ARHGEF4: variants seen among roughly 807,000 people sequenced by gnomAD.
The protein encoded by ARHGEF4 is APC-stimulated guanine nucleotide exchange factor 1.
In ARHGEF4, 119 loss-of-function variants were observed where a neutral mutation model predicts 162.0. The observed-to-expected ratio is 0.73, with a 90% CI of 0.63 to 0.86. The LOEUF (loss-of-function observed/expected upper bound fraction) is 0.86, where lower values mean the gene tolerates loss of function less well. ARHGEF4 is among the 40% of genes least tolerant of loss of function. The pLI, the probability that ARHGEF4 is intolerant of heterozygous loss-of-function variation, is 0.00. For missense variants in ARHGEF4, 2,488 were observed against 2,456.0 expected (o/e 1.01, Z -0.28); for synonymous variants, 1,014 against 979.9 (o/e 1.03, Z -0.65).
At position 130,916,931 on chromosome 2, in the gene ARHGEF4, A is replaced by G. The variant is rs1681536550; in HGVS notation, c.2985A>G (p.Lys995=). 6.4e-7 allele frequency: 1 copy of G among 1,550,650 alleles called. No individual in the cohort carries two copies. Among genetic ancestry groups the G allele is most frequent in the Non-Finnish European group, 8.7e-7 (1 of 1,147,024 alleles). ...DSHCEERAED[K]EGYVFSDHWA... is the part of the protein sequence containing the mutation. The stretch of plus-strand genomic sequence containing the variant: ...ACTGTGAGGAACGGGCGGAGGACAA[A>G]GAGGGCTATGTTTTTAGCGATCACT... Residue 995 remains lysine, a synonymous_variant, in exon 2 of 14, where the codon AAA becomes AAG. Coordinates refer to ENST00000409359, the MANE Select transcript of ARHGEF4 (RefSeq NM_001367493.1).
At chr2:130,865,743 A>G in intron 1 of ARHGEF4, among the ~76,000 whole-genome samples, 1 of 151,610 alleles carries the variant, frequency 6.6e-6, no homozygotes, top group African/African-American at 2.4e-5. Context: ...GCCTCCAGTC[A>G]TCTTTTCTTT....
intron 4 of ARHGEF4, among the ~76,000 whole-genome samples, chr2:130,969,467 T>C (rs1035763111): frequency 2.2e-4 from 34 of 151,714 alleles, no homozygotes; most frequent in Admixed American, 2.2e-3. Context: ...GGCATGGTGG[T>C]GGGTGCCTGT....
chr2:130,908,830 A>G (rs2105037914), intron 1 of ARHGEF4, among the ~76,000 whole-genome samples: 1 of 152,352 alleles, frequency 6.6e-6, no homozygotes, highest in South Asian at 2.1e-4. Flanking sequence ...GAATCCTTAC[A>G]ACTCAATAGT....
chr2:130,921,070 A>G (rs1471895919), intron 2 of ARHGEF4, among the ~76,000 whole-genome samples: 1 of 151,304 alleles, frequency 6.6e-6, no homozygotes. Flanking sequence ...GTTCACTTGC[A>G]TTTCATTATC....
chr2:130,847,000 G>A (rs1681024616), intron 1 of ARHGEF4, among the ~76,000 whole-genome samples: 1 of 152,174 alleles, frequency 6.6e-6, no homozygotes, highest in Non-Finnish European at 1.5e-5. Flanking sequence ...CCCCAGATTT[G>A]ATTCTCCAGA....
chr2:130,996,029 A>T (rs1687369128), intron 4 of ARHGEF4, among the ~76,000 whole-genome samples: 1 of 151,796 alleles, frequency 6.6e-6, no homozygotes, highest in Non-Finnish European at 1.5e-5. Context: ...AGCTGGGATT[A>T]CAGGCGCCCG....
intron 4 of ARHGEF4, among the ~76,000 whole-genome samples, chr2:131,012,129 G>C (rs1173352810): frequency 1.3e-5 from 2 of 152,172 alleles, no homozygotes; most frequent in African/African-American, 4.8e-5. Flanking sequence ...TTTTGGGTGG[G>C]TGGTCAGGAG....
In ARHGEF4 at chr2:130,978,192, C is replaced by A. The variant is rs555273632; in HGVS notation, c.3985+31557C>A. ...GACCCTCGGGCTGGTTTCAGTCCCCCCTTTCTATTTATCAGTTCCACAATC... is the reference window on the plus strand; with the variant it reads ...GACCCTCGGGCTGGTTTCAGTCCCCACTTTCTATTTATCAGTTCCACAATC... On this transcript the variant is annotated intron_variant, in intron 4 of 13. Transcript: ENST00000409359. Among the ~76,000 whole-genome samples, 132 of 152,274 alleles carry A rather than the reference C, an allele frequency of 8.7e-4. 1 individual carries two copies. The highest frequency in any genetic ancestry group is 7.4e-4 in the Non-Finnish European group (50 of 68,018).
intron 1 of ARHGEF4, chr2:130,837,703 T>G (rs556443716): frequency 5.9e-5 from 25 of 425,072 alleles, no homozygotes; most frequent in Admixed American, 5.2e-4. Context: ...CCTCCCCAGG[T>G]GAGCCAGCGG....
chr2:130,926,914 G>C (rs902854148), intron 2 of ARHGEF4, among the ~76,000 whole-genome samples: 22 of 131,846 alleles, frequency 1.7e-4, no homozygotes, highest in Admixed American at 1.6e-3. Context: ...ATTTCTGTTG[G>C]GGGGAGAAGT....
At chr2:131,002,299 C>T (rs890735068) in intron 4 of ARHGEF4, among the ~76,000 whole-genome samples, 7 of 152,138 alleles carry the variant, frequency 4.6e-5, no homozygotes, top group African/African-American at 7.2e-5. Context: ...TGTGAGGGGC[C>T]GGGCGCGGTG....
At chr2:131,039,652 T>G in intron 6 of ARHGEF4, 1 of 1,156,118 alleles carries the variant, frequency 8.6e-7, no homozygotes, top group Non-Finnish European at 1.1e-6. Flanking sequence ...CCAAGTTGCA[T>G]GTTAGCCAGC....
chr2:131,011,591 A>G (rs1231285414), intron 4 of ARHGEF4: 10 of 1,515,434 alleles, frequency 6.6e-6, no homozygotes, highest in South Asian at 2.5e-5. Flanking sequence ...ATTTCATGCT[A>G]TTAATCCCCC....
chr2:130,943,621 G>A (rs1225380286), intron 3 of ARHGEF4, among the ~76,000 whole-genome samples: 3 of 151,824 alleles, frequency 2.0e-5, no homozygotes, highest in African/African-American at 7.3e-5. Context: ...AGTAACTCTA[G>A]GAATTAACAT....
At chr2:130,945,298 A>G (rs1350656743) in intron 3 of ARHGEF4, among the ~76,000 whole-genome samples, 3 of 152,028 alleles carry the variant, frequency 2.0e-5, no homozygotes, top group African/African-American at 7.3e-5. Context: ...ACTTCCTGCA[A>G]CTGTGTCTGC....
rs534864284 is a variant in ARHGEF4, at chr2:131,003,966, C to T, written c.3986-23979C>T. 2.0e-5 allele frequency among the ~76,000 whole-genome samples: 3 copies of T among 152,298 alleles called. No individual in the cohort carries two copies. The South Asian group carries it at 6.2e-4, about 32-fold the overall frequency. On this transcript the variant is annotated intron_variant, in intron 4 of 13. Coordinates refer to ENST00000409359, the MANE Select transcript of ARHGEF4 (RefSeq NM_001367493.1). ...GACTTTTAAAAAAATCCTAAGCCTTCAGCAGCCAAAGGAGCATCTTTGGTT... is the reference window on the plus strand; with the variant it reads ...GACTTTTAAAAAAATCCTAAGCCTTTAGCAGCCAAAGGAGCATCTTTGGTT...
rs116501298 is a variant in ARHGEF4, at chr2:130,902,672, G to T, written c.40-11314G>T. Among the ~76,000 whole-genome samples, 173 of 149,722 alleles carry T rather than the reference G, an allele frequency of 1.2e-3. 1 individual carries two copies. The highest frequency in any genetic ancestry group is 3.6e-3 in the Middle Eastern group (1 of 278). ...AAAGAGAACCAAGCATGTTGTAGTTGGTAGCACGCAAGCCCTGCATATGTA... is the reference window on the plus strand; with the variant it reads ...AAAGAGAACCAAGCATGTTGTAGTTTGTAGCACGCAAGCCCTGCATATGTA... On this transcript the variant is annotated intron_variant, in intron 1 of 13. Transcript: ENST00000409359.
intron 4 of ARHGEF4, among the ~76,000 whole-genome samples, chr2:131,012,655 A>G (rs1330820101): frequency 1.3e-5 from 2 of 152,124 alleles, no homozygotes; most frequent in Non-Finnish European, 2.9e-5. Context: ...AACTTGGCTC[A>G]CTGCAACCTC....
At chr2:130,964,099 G>C (rs1277419039) in intron 4 of ARHGEF4, 1 of 903,166 alleles carries the variant, frequency 1.1e-6, no homozygotes, top group Non-Finnish European at 1.3e-6. Flanking sequence ...TGGCGATCTC[G>C]GCACTAGCAG....
Sources: allele counts gnomAD v4.1 joint callset (sites outside exome capture counted in the v4.1 genomes callset), GRCh38; gene constraint gnomAD v4.1.1; transcripts MANE v1.5; gene names NCBI Gene and HGNC (gene_info 2026-07-23, HGNC 2026-07-21).